Variants in DYRK1A observed in about 807,000 individuals in gnomAD.
DYRK1A encodes the protein dual specificity tyrosine phosphorylation regulated kinase 1A, also known as dual specificity tyrosine-phosphorylation-regulated kinase 1A.
In DYRK1A, 9 loss-of-function variants were observed where a neutral mutation model predicts 79.7. That is an observed-to-expected ratio of 0.11 (90% CI 0.07 to 0.20). The LOEUF (loss-of-function observed/expected upper bound fraction) is 0.20, where lower values mean the gene tolerates loss of function less well. Among genes scored for constraint, DYRK1A ranks in the 10% least tolerant of loss-of-function variants. DYRK1A has a pLI of 1.00. For synonymous variants in DYRK1A, 349 were observed against 329.7 expected, an observed-to-expected ratio of 1.06 and a Z score of -0.63; for missense variants, 622 against 956.0, an observed-to-expected ratio of 0.65 and a Z score of 4.61.
chr21:37,448,840 G>T (rs1237872098), intron 2 of DYRK1A, among the ~76,000 whole-genome samples: 5 of 152,118 alleles, frequency 3.3e-5, no homozygotes, highest in Non-Finnish European at 7.3e-5. Context: ...GGGACTATAG[G>T]CACATGCCAC....
At chr21:37,416,796 G>A (rs945625943) in intron 1 of DYRK1A, among the ~76,000 whole-genome samples, 1 of 151,990 alleles carries the variant, frequency 6.6e-6, no homozygotes. Context: ...TTAGATCCCA[G>A]TGTGCACTGT....
At chr21:37,426,832 A>G (rs2148442678) in intron 2 of DYRK1A, among the ~76,000 whole-genome samples, 1 of 148,860 alleles carries the variant, frequency 6.7e-6, no homozygotes, top group Non-Finnish European at 1.5e-5. Context: ...AGGCAGGAGA[A>G]TGGCATGAAC....
rs145313456 is a variant in DYRK1A, at chr21:37,394,747, C to T, written c.-76-25552C>T. On this transcript the variant is annotated intron_variant, in intron 1 of 11. Coordinates refer to ENST00000647188, the MANE Select transcript of DYRK1A (RefSeq NM_001347721.2). ...AAACCATTTCCCACCTCCTCCTGTCCGTGGAAAAATTGTCTTCCACAAAAG... is the reference window on the plus strand; with the variant it reads ...AAACCATTTCCCACCTCCTCCTGTCTGTGGAAAAATTGTCTTCCACAAAAG... Among the ~76,000 whole-genome samples the T allele has an allele frequency of 2.4e-3, 369 of 152,234 alleles. 2 individuals are homozygous for T. Among genetic ancestry groups the T allele is most frequent in the African/African-American group, 8.4e-3 (348 of 41,506 alleles).
intron 1 of DYRK1A, among the ~76,000 whole-genome samples, chr21:37,368,392 C>T (rs1305707716): frequency 6.6e-6 from 1 of 152,168 alleles, no homozygotes; most frequent in Non-Finnish European, 1.5e-5. Flanking sequence ...CTGAGTAGCT[C>T]AGTACTTGGC....
intron 1 of DYRK1A, among the ~76,000 whole-genome samples, chr21:37,399,620 T>C (rs2050018499): frequency 6.6e-6 from 1 of 152,224 alleles, no homozygotes; most frequent in African/African-American, 2.4e-5. Context: ...GTGACAACTT[T>C]CTAGACAGGT....
chr21:37,466,075 G>C (rs1381610148), intron 2 of DYRK1A, among the ~76,000 whole-genome samples: 1 of 152,162 alleles, frequency 6.6e-6, no homozygotes, highest in African/African-American at 2.4e-5. Context: ...TATTTCAGGA[G>C]GGTAGTGATA....
intron 1 of DYRK1A, among the ~76,000 whole-genome samples, chr21:37,392,577 C>T (rs1348761101): frequency 6.6e-6 from 1 of 152,214 alleles, no homozygotes; most frequent in African/African-American, 2.4e-5. Flanking sequence ...GATGATGCCT[C>T]TTGCCGTGTC....
At chr21:37,497,765 A>G (rs1434395000) in intron 9 of DYRK1A, among the ~76,000 whole-genome samples, 1 of 152,070 alleles carries the variant, frequency 6.6e-6, no homozygotes, top group Admixed American at 6.6e-5. Context: ...TACTATTTTT[A>G]GTTATTTGGG....
intron 2 of DYRK1A, chr21:37,421,914 A>G (rs938217483): frequency 1.3e-5 from 2 of 152,132 alleles, no homozygotes; most frequent in East Asian, 1.9e-4. Context: ...AGATTTATCT[A>G]TGAATATTAC....
At chr21:37,432,848 A>G (rs1360654163) in intron 2 of DYRK1A, among the ~76,000 whole-genome samples, 2 of 151,764 alleles carry the variant, frequency 1.3e-5, no homozygotes, top group Non-Finnish European at 2.9e-5. Flanking sequence ...TGGTGGTGCA[A>G]GCTTGTAATC....
chr21:37,385,158 T>C (rs190421674), intron 1 of DYRK1A, among the ~76,000 whole-genome samples: 1 of 152,240 alleles, frequency 6.6e-6, no homozygotes, highest in East Asian at 1.9e-4. Context: ...AGAAGAACTT[T>C]ATTATGTAGC....
At chr21:37,374,071 G>C (rs2049487732) in intron 1 of DYRK1A, among the ~76,000 whole-genome samples, 1 of 152,072 alleles carries the variant, frequency 6.6e-6, no homozygotes, top group Non-Finnish European at 1.5e-5. Flanking sequence ...AAGGGATTTT[G>C]GGTCTAATAA....
chr21:37,470,724 A>G (rs1424722382), intron 2 of DYRK1A, among the ~76,000 whole-genome samples: 1 of 152,098 alleles, frequency 6.6e-6, no homozygotes, highest in Non-Finnish European at 1.5e-5. Context: ...TTGAATTTAG[A>G]TTTTCAATGT....
At position 37,511,918 on chromosome 21, in the gene DYRK1A, A is replaced by G; in HGVS notation, c.1652A>G (p.Gln551Arg). The G allele has an allele frequency of 6.2e-7, 1 of 1,609,716 alleles. No individual in the cohort carries two copies. Among genetic ancestry groups the G allele is most frequent in the South Asian group, 1.1e-5 (1 of 90,982 alleles). Reference sequence around the variant, plus strand: ...AAAAATCTGTTCTTTCAGGTGCGTCAGCAATTTCCTGCTCCTCTTGGTTGG... The same window carrying G: ...AAAAATCTGTTCTTTCAGGTGCGTCGGCAATTTCCTGCTCCTCTTGGTTGG... ...DCETHSPQVR[Q>R]QFPAPLGWSG... Residue 551 changes from glutamine (Q) to arginine (R), a missense_variant, in exon 12 of 12, where the codon CAG (glutamine) becomes CGG (arginine). Physicochemically the swap from Gln to Arg is conservative, Grantham distance 43. Transcript: ENST00000647188.
At chr21:37,478,506 A>G (rs2052483939) in intron 4 of DYRK1A, among the ~76,000 whole-genome samples, 1 of 152,174 alleles carries the variant, frequency 6.6e-6, no homozygotes, top group Non-Finnish European at 1.5e-5. Flanking sequence ...AATTGTGGAT[A>G]ACTTGATTTT....
rs760286156 is a variant in DYRK1A, at chr21:37,377,271, C to CTG, written c.-77+9643_-77+9644insTG. On this transcript the variant is annotated intron_variant, in intron 1 of 11. Transcript: ENST00000647188. ...AGTAGCTGGGACTACAGGCCCCTGC[C>CTG]ACCACGCCCGGCTAATTTTTCGTAT... 5.3e-3 allele frequency among the ~76,000 whole-genome samples: 811 copies of CTG among 152,292 alleles called. 3 individuals carry two copies. The highest frequency in any genetic ancestry group is 9.1e-3 in the Non-Finnish European group (617 of 68,026).
intron 1 of DYRK1A, among the ~76,000 whole-genome samples, chr21:37,387,155 C>T (rs574913148): frequency 4.6e-5 from 7 of 152,284 alleles, no homozygotes; most frequent in Non-Finnish European, 7.4e-5. Context: ...ATTTGGAGGC[C>T]GGGTAGGCAA....
At chr21:37,489,423 A>G (rs888722546) in intron 6 of DYRK1A, among the ~76,000 whole-genome samples, 9 of 152,164 alleles carry the variant, frequency 5.9e-5, no homozygotes, top group Admixed American at 5.9e-4. Flanking sequence ...TAGAGGGTCA[A>G]CAGTGATAGC....
chr21:37,395,212 C>T (rs2049938384), intron 1 of DYRK1A, among the ~76,000 whole-genome samples: 1 of 152,346 alleles, frequency 6.6e-6, no homozygotes, highest in Non-Finnish European at 1.5e-5. Flanking sequence ...CGAAAGCTCA[C>T]TAGGAAATGT....
Sources: gnomAD v4.1 joint callset for allele counts (sites outside exome capture counted in the v4.1 genomes callset) on GRCh38, gnomAD v4.1.1 for gene constraint, MANE v1.5 for transcripts, NCBI Gene and HGNC (gene_info 2026-07-23, HGNC 2026-07-21) for gene names.